Variants in CACNA1C observed in about 807,000 individuals in gnomAD.
The protein encoded by CACNA1C is calcium voltage-gated channel subunit alpha1 C.
In CACNA1C, 30 loss-of-function variants were observed where a neutral mutation model predicts 229.0. The observed-to-expected ratio is 0.13, with a 90% CI of 0.10 to 0.18. CACNA1C has a LOEUF of 0.18. Ranked by LOEUF, CACNA1C falls within the 10% of genes least tolerant of loss-of-function variation. The probability of loss-of-function intolerance (pLI) is 1.00; values close to 1 mark genes in which losing one functional copy is unlikely to be tolerated. For synonymous variants in CACNA1C, 1,114 were observed against 1,132.5 expected (o/e 0.98, Z 0.33); for missense variants, 1,658 against 2,845.0 (o/e 0.58, Z 9.49).
At chr12:1,983,380 T>C (rs2036724125) in intron 1 of CACNA1C, among the ~76,000 whole-genome samples, 1 of 152,068 alleles carries the variant, frequency 6.6e-6, no homozygotes, top group Admixed American at 6.5e-5. Context: ...TATTTGATGC[T>C]ATAAATTTCC....
chr12:2,682,892 C>CA (rs1569247882), intron 43 of CACNA1C, among the ~76,000 whole-genome samples: 1 of 72,068 alleles, frequency 1.4e-5, no homozygotes, highest in Admixed American at 1.4e-4. Context: ...CACACACACA[C>CA]AGACACACAC....
At chr12:2,309,962 T>C (rs1305410188) in intron 3 of CACNA1C, among the ~76,000 whole-genome samples, 1 of 152,168 alleles carries the variant, frequency 6.6e-6, no homozygotes, top group African/African-American at 2.4e-5. Context: ...CTCTAGCATT[T>C]TCAGCAGGGA....
intron 9 of CACNA1C, among the ~76,000 whole-genome samples, chr12:2,535,704 TAAA>T (rs758857733): frequency 0.015 from 548 of 36,476 alleles, 5 homozygotes; most frequent in African/African-American, 0.046. Context: ...AGACCCTGTC[TAAA>T]AAAAAAAAAA....
rs1007105494 is a variant in CACNA1C at position 2,214,451 on chromosome 12, C to G, written c.477+94021C>G. Among the ~76,000 whole-genome samples, 8 of 152,160 alleles carry G rather than the reference C, an allele frequency of 5.3e-5. No individual in the cohort carries two copies. The East Asian group carries it at 1.5e-3, about 29-fold the overall frequency. On this transcript the variant is annotated intron_variant, in intron 3 of 46. Transcript: ENST00000399655. ...ATGGTTCAATAAATCTTAGTTCTTACTACGTGTGGTCATTATTCAGTCTTC... is the reference window on the plus strand; with the variant it reads ...ATGGTTCAATAAATCTTAGTTCTTAGTACGTGTGGTCATTATTCAGTCTTC...
intron 3 of CACNA1C, among the ~76,000 whole-genome samples, chr12:2,438,167 G>A (rs1455225161): frequency 1.2e-4 from 4 of 32,108 alleles, no homozygotes; most frequent in African/African-American, 1.1e-3. Flanking sequence ...TGGTAGTGGT[G>A]GTGGTGGTGG....
intron 3 of CACNA1C, among the ~76,000 whole-genome samples, chr12:2,232,934 A>G (rs907552237): frequency 6.6e-6 from 1 of 151,936 alleles, no homozygotes. Context: ...CATACCCCCA[A>G]CCTTTCTCAA....
At chr12:2,133,901 TG>T (rs1459022514) in intron 3 of CACNA1C, among the ~76,000 whole-genome samples, 1 of 115,702 alleles carries the variant, frequency 8.6e-6, no homozygotes, top group African/African-American at 3.3e-5. Flanking sequence ...ATGTTGACAG[TG>T]GGGTGTTAAA....
At chr12:2,157,055 A>G (rs996638394) in intron 3 of CACNA1C, among the ~76,000 whole-genome samples, 2 of 152,218 alleles carry the variant, frequency 1.3e-5, no homozygotes, top group African/African-American at 4.8e-5. Context: ...AAATTGTGGT[A>G]TCAGGTATTT....
chr12:2,308,120 A>G (rs2095191681), intron 3 of CACNA1C, among the ~76,000 whole-genome samples: 1 of 152,194 alleles, frequency 6.6e-6, no homozygotes, highest in Admixed American at 6.5e-5. Flanking sequence ...TCACTCAAAC[A>G]CCCACATGCT....
At chr12:2,567,831 C>G (rs1302994570) in intron 13 of CACNA1C, 37 bp downstream of exon 13, 1 of 1,335,786 alleles carries the variant, frequency 7.5e-7, no homozygotes, top group Non-Finnish European at 1.1e-6. Flanking sequence ...AGAGGGGACT[C>G]AGGAAGAAGT....
At chr12:2,169,780 G>A (rs1419790263) in intron 3 of CACNA1C, among the ~76,000 whole-genome samples, 1 of 152,168 alleles carries the variant, frequency 6.6e-6, no homozygotes, top group Non-Finnish European at 1.5e-5. Flanking sequence ...CTGCCTCCTT[G>A]ACTCCGGGCC....
Position 2,653,916 on chromosome 12 carries a change from C to T in CACNA1C, c.4140+16C>T, listed in dbSNP as rs1388792786. On this transcript the variant is annotated intron_variant, in intron 33 of 46. Transcript: ENST00000399655. The surrounding 1 kb of genome is among the most constrained non-coding windows in gnomAD (Gnocchi z 4.7). ...CGGGATGCAGGTAGGGAGGCTCCCA[C>T]CACGGGGCTCCTGGCCTCCCGCTCT... The T allele has an allele frequency of 1.2e-6, 2 of 1,610,342 alleles. No individual in the cohort carries two copies. Among genetic ancestry groups the T allele is most frequent in the Admixed American group, 3.3e-5 (2 of 60,004 alleles).
At position 2,577,375 on chromosome 12, in the gene CACNA1C, A is replaced by G. The variant is rs192082089; in HGVS notation, c.1896-4215A>G. The stretch of plus-strand genomic sequence containing the variant: ...GAATGTGAGTTCTTCCCCAAAGGTG[A>G]CACATGTTCACAGTGATCTGGAAAT... On this transcript the variant is annotated intron_variant, in intron 13 of 46. Transcript: ENST00000399655. Among the ~76,000 whole-genome samples, 454 of 152,348 alleles carry G rather than the reference A, an allele frequency of 3.0e-3. 4 individuals are homozygous for G. The highest frequency in any genetic ancestry group is 0.01 in the African/African-American group (429 of 41,572).
At chr12:2,409,592 A>G (rs1027466181) in intron 3 of CACNA1C, among the ~76,000 whole-genome samples, 1 of 152,214 alleles carries the variant, frequency 6.6e-6, no homozygotes, top group Admixed American at 6.5e-5. Context: ...TTTGTTGGCA[A>G]TTGTGCTTGA....
At chr12:2,441,533 C>T (rs1251693568) in intron 3 of CACNA1C, among the ~76,000 whole-genome samples, 2 of 152,178 alleles carry the variant, frequency 1.3e-5, no homozygotes, top group African/African-American at 2.4e-5. Context: ...CTCTTTATTC[C>T]GTCCCATGTC....
chr12:2,370,297 G>A lies in CACNA1C; in HGVS notation c.478-78679G>A, dbSNP rs114196791. Among the ~76,000 whole-genome samples the A allele has an allele frequency of 3.5e-3, 537 of 152,288 alleles. 6 individuals are homozygous for A. The highest frequency in any genetic ancestry group is 0.02 in the Middle Eastern group (6 of 294). Reference sequence around the variant, plus strand: ...ACCTTTCTGGAAACAATTTAGCAATGCATATCAAGGTCTTTGAAATGTTCA... The same window carrying A: ...ACCTTTCTGGAAACAATTTAGCAATACATATCAAGGTCTTTGAAATGTTCA... On this transcript the variant is annotated intron_variant, in intron 3 of 46. Transcript: ENST00000399655.
intron 1 of CACNA1C, among the ~76,000 whole-genome samples, chr12:1,986,930 A>T (rs2037959351): frequency 6.6e-6 from 1 of 152,226 alleles, no homozygotes. Context: ...CCAGAAGTTC[A>T]ATCCCTTTTT....
intron 5 of CACNA1C, among the ~76,000 whole-genome samples, chr12:2,470,211 G>C (rs2099583380): frequency 6.6e-6 from 1 of 152,204 alleles, no homozygotes; most frequent in African/African-American, 2.4e-5. Flanking sequence ...CTTGAGCCCA[G>C]GACTGTGGCA....
intron 1 of CACNA1C, chr12:1,993,335 C>G (rs757688888): frequency 1.9e-6 from 3 of 1,614,062 alleles, no homozygotes; most frequent in Non-Finnish European, 2.5e-6. Context: ...AGGTTCTGTC[C>G]TATTTTCCAT....
Sources: allele counts gnomAD v4.1 joint callset (sites outside exome capture counted in the v4.1 genomes callset), GRCh38; gene constraint gnomAD v4.1.1; non-coding constraint Gnocchi (gnomAD v3.1); transcripts MANE v1.5; gene names NCBI Gene and HGNC (gene_info 2026-07-23, HGNC 2026-07-21).